Variants in ROR1 observed in about 807,000 individuals in gnomAD.
ROR1 encodes ROR family WNT receptor 1.
ROR1 carries 19 observed loss-of-function variants against 78.8 expected under a neutral mutation model. That is an observed-to-expected ratio of 0.24 (90% CI 0.17 to 0.35). The LOEUF is 0.35. Ranked by LOEUF, ROR1 falls within the 10% of genes least tolerant of loss-of-function variation. The pLI is 1.00. For missense variants in ROR1, 917 were observed against 1,177.8 expected, an observed-to-expected ratio of 0.78 and a Z score of 3.24; for synonymous variants, 386 against 433.6, an observed-to-expected ratio of 0.89 and a Z score of 1.36.
intron 4 of ROR1, among the ~76,000 whole-genome samples, chr1:64,113,038 A>G (rs764801705): frequency 7.9e-5 from 12 of 152,172 alleles, no homozygotes; most frequent in Non-Finnish European, 1.3e-4. Context: ...GCCACCTTCC[A>G]TAGATTTAAT....
intron 4 of ROR1, among the ~76,000 whole-genome samples, chr1:64,133,151 TGAG>T (rs1648980772): frequency 6.6e-6 from 1 of 152,040 alleles, no homozygotes; most frequent in Admixed American, 6.6e-5. Context: ...GTCTGAAAGA[TGAG>T]AACATTCACA....
At chr1:64,160,549 A>G (rs947298197) in intron 8 of ROR1, among the ~76,000 whole-genome samples, 2 of 152,094 alleles carry the variant, frequency 1.3e-5, no homozygotes. Context: ...CAGGGTAGGG[A>G]TTCAACTCTT....
intron 1 of ROR1, among the ~76,000 whole-genome samples, chr1:63,936,536 C>T (rs559594811): frequency 3.4e-4 from 51 of 152,230 alleles, no homozygotes; most frequent in South Asian, 4.2e-4. Context: ...TATTTTTTAA[C>T]GCATGTTATG....
At chr1:64,150,230 G>T (rs1448546586) in intron 7 of ROR1, among the ~76,000 whole-genome samples, 1 of 151,924 alleles carries the variant, frequency 6.6e-6, no homozygotes, top group Non-Finnish European at 1.5e-5. Context: ...TCCTAAACCA[G>T]CTTCACCAAA....
chr1:64,073,716 G>GA, intron 4 of ROR1, among the ~76,000 whole-genome samples: 1 of 152,202 alleles, frequency 6.6e-6, no homozygotes, highest in South Asian at 2.1e-4. Flanking sequence ...ACAATATTAA[G>GA]AAAAATCATG....
chr1:64,025,630 C>CAT lies in ROR1; in HGVS notation c.163+16264_163+16265dup, dbSNP rs902025493. Among the ~76,000 whole-genome samples, 14 of 150,726 alleles carry CAT rather than the reference C, an allele frequency of 9.3e-5. No homozygotes were observed. In the East Asian group the frequency reaches 9.7e-4, roughly 10 times the overall value. On this transcript the variant is annotated intron_variant, in intron 2 of 8. Coordinates refer to ENST00000371079, the MANE Select transcript of ROR1 (RefSeq NM_005012.4). ...ACATACACATATACACACATATGTA[C>CAT]ATATATATATACACACATATACACA...
rs150047255 is a variant in ROR1, at chr1:64,159,133, C to T, written c.1327C>T (p.Pro443Ser). 124 of 1,613,952 alleles carry T rather than the reference C, an allele frequency of 7.7e-5. No homozygotes were observed. Among genetic ancestry groups the T allele is most frequent in the Non-Finnish European group, 1.0e-4 (121 of 1,179,988 alleles). Residue 443 changes from proline to serine, a missense_variant, in exon 8 of 9, where the codon CCA (proline) becomes TCA (serine). Pro to Ser is a moderately conservative substitution (Grantham distance 74, BLOSUM62 -1). Transcript: ENST00000371079. ...ATCGTCGGCACCAGTCCAGAGGCAA[C>T]CAAAACACGTCAGAGGTCAAAATGT... ...KSSSAPVQRQPKHVRGQNVEM... is the reference protein window; with the variant it reads ...KSSSAPVQRQSKHVRGQNVEM...
At chr1:64,073,217 G>T (rs142588886) in intron 4 of ROR1, among the ~76,000 whole-genome samples, 1 of 152,176 alleles carries the variant, frequency 6.6e-6, no homozygotes, top group African/African-American at 2.4e-5. Flanking sequence ...TCTGGGCTAA[G>T]AGAGTGGAAG....
chr1:64,068,851 T>A (rs915408546), intron 4 of ROR1, among the ~76,000 whole-genome samples: 1 of 152,202 alleles, frequency 6.6e-6, no homozygotes, highest in Non-Finnish European at 1.5e-5. Flanking sequence ...AATTTGGAAG[T>A]CCTTTAAAGT....
intron 2 of ROR1, among the ~76,000 whole-genome samples, chr1:64,024,922 A>G (rs1223758102): frequency 6.6e-6 from 1 of 152,146 alleles, no homozygotes; most frequent in Non-Finnish European, 1.5e-5. Flanking sequence ...TTCTCATTCT[A>G]CTATTAAGAT....
chr1:63,849,516 A>G (rs1194578616), intron 1 of ROR1, among the ~76,000 whole-genome samples: 1 of 152,064 alleles, frequency 6.6e-6, no homozygotes, highest in East Asian at 1.9e-4. Flanking sequence ...TTGGCAACAT[A>G]GTGACACCTC....
chr1:64,172,994 G>T (rs990710196), intron 8 of ROR1, among the ~76,000 whole-genome samples: 1 of 152,122 alleles, frequency 6.6e-6, no homozygotes, highest in Non-Finnish European at 1.5e-5. Context: ...TTCTTTAAGG[G>T]TTTTTATGAT....
intron 1 of ROR1, among the ~76,000 whole-genome samples, chr1:63,825,597 G>A (rs907757049): frequency 2.0e-5 from 3 of 152,210 alleles, no homozygotes; most frequent in Non-Finnish European, 4.4e-5. Flanking sequence ...GTCGAATGTG[G>A]TGATTGCACG....
chr1:64,049,995 T>C lies in ROR1; in HGVS notation c.451+17T>C. The C allele has an allele frequency of 6.2e-7, 1 of 1,613,314 alleles. No individual in the cohort carries two copies. Among genetic ancestry groups the C allele is most frequent in the Non-Finnish European group, 8.5e-7 (1 of 1,179,668 alleles). ...TCAAGTTTGGTAAGCAGACCCCTACTGGGGATGGACTTTGGCCCTCAGCCC... is the reference window on the plus strand; with the variant it reads ...TCAAGTTTGGTAAGCAGACCCCTACCGGGGATGGACTTTGGCCCTCAGCCC... On this transcript the variant is annotated intron_variant, in intron 3 of 8. Coordinates refer to ENST00000371079, the MANE Select transcript of ROR1 (RefSeq NM_005012.4).
At chr1:63,887,833 A>G (rs1645367604) in intron 1 of ROR1, among the ~76,000 whole-genome samples, 1 of 152,244 alleles carries the variant, frequency 6.6e-6, no homozygotes, top group Admixed American at 6.5e-5. Flanking sequence ...CACATAGCAG[A>G]AAATGATAAT....
At chr1:63,873,364 T>A (rs904235738) in intron 1 of ROR1, among the ~76,000 whole-genome samples, 1 of 152,142 alleles carries the variant, frequency 6.6e-6, no homozygotes, top group South Asian at 2.1e-4. Context: ...TTCTTCTTAG[T>A]GTGTATTATC....
At chr1:64,121,350 A>G (rs1648536678) in intron 4 of ROR1, among the ~76,000 whole-genome samples, 1 of 152,034 alleles carries the variant, frequency 6.6e-6, no homozygotes, top group Admixed American at 6.6e-5. Context: ...GAACATAGTC[A>G]CATGACCATA....
chr1:63,929,606 G>C (rs1371117227), intron 1 of ROR1, among the ~76,000 whole-genome samples: 1 of 152,084 alleles, frequency 6.6e-6, no homozygotes, highest in Non-Finnish European at 1.5e-5. Context: ...CTAGTACTTG[G>C]GGATGCAGTG....
At chr1:63,941,335 CA>C (rs1335338129) in intron 1 of ROR1, among the ~76,000 whole-genome samples, 2 of 152,156 alleles carry the variant, frequency 1.3e-5, no homozygotes, top group Admixed American at 1.3e-4. Context: ...TAAATACACA[CA>C]CAGAATGATA....
Sources: allele counts gnomAD v4.1 joint callset (sites outside exome capture counted in the v4.1 genomes callset), GRCh38; gene constraint gnomAD v4.1.1; transcripts MANE v1.5; gene names NCBI Gene and HGNC (gene_info 2026-07-23, HGNC 2026-07-21).